Variants in DRD3 observed in about 807,000 individuals in gnomAD.
The protein encoded by DRD3 is dopamine receptor D3, also known as D(3) dopamine receptor.
A neutral mutation model predicts 36.3 loss-of-function variants in DRD3; 19 were observed. That is an observed-to-expected ratio of 0.52 (90% CI 0.36 to 0.77). The LOEUF is 0.77. DRD3 is among the 30% of genes least tolerant of loss of function. DRD3 has a pLI of 0.00. For missense variants in DRD3, 465 were observed against 505.3 expected, an observed-to-expected ratio of 0.92 and a Z score of 0.77; for synonymous variants, 195 against 203.7, an observed-to-expected ratio of 0.96 and a Z score of 0.36.
At chr3:114,170,379 G>C (rs370912234) in intron 2 of DRD3, among the ~76,000 whole-genome samples, 98 of 152,278 alleles carry the variant, frequency 6.4e-4, no homozygotes, top group African/African-American at 2.3e-3. Context: ...TTAGGCTACA[G>C]GAGATGAAGA....
chr3:114,196,975 TTTC>T (rs1288602418), intron 1 of DRD3, among the ~76,000 whole-genome samples: 3 of 150,792 alleles, frequency 2.0e-5, no homozygotes, highest in African/African-American at 4.9e-5. Context: ...TTTTTATTTT[TTTC>T]TTTTTTTCTT....
In DRD3 at chr3:114,156,685, A is replaced by T. The variant is rs1308903158; in HGVS notation, c.383+3070T>A. On this transcript the variant is annotated intron_variant, in intron 3 of 6. Coordinates refer to ENST00000383673, the MANE Select transcript of DRD3 (RefSeq NM_000796.6). ...GTTAGAATTACCTCCACTGCCTGGC[A>T]TTCAATGTTTTCCACAATATGGCTT... is the stretch of plus-strand genomic sequence containing the variant. Among the ~76,000 whole-genome samples the T allele has an allele frequency of 3.3e-5, 5 of 151,764 alleles. No individual in the cohort carries two copies. In the East Asian group the frequency reaches 9.7e-4, roughly 29 times the overall value.
At chr3:114,191,724 T>C (rs2078011777) in intron 1 of DRD3, among the ~76,000 whole-genome samples, 1 of 152,004 alleles carries the variant, frequency 6.6e-6, no homozygotes, top group African/African-American at 2.4e-5. Flanking sequence ...GAAGAGTGAA[T>C]ACATTGGGTT....
chr3:114,151,778 C>T (rs1577597870), intron 3 of DRD3, among the ~76,000 whole-genome samples: 1 of 152,334 alleles, frequency 6.6e-6, no homozygotes, highest in East Asian at 1.9e-4. Context: ...ATGTCTCCCA[C>T]CTCTGAGGTG....
intron 1 of DRD3, among the ~76,000 whole-genome samples, chr3:114,174,141 T>A (rs1239763653): frequency 1.3e-5 from 2 of 152,236 alleles, no homozygotes; most frequent in Non-Finnish European, 2.9e-5. Context: ...TATAATTTTC[T>A]CATTATTCAG....
intron 3 of DRD3, among the ~76,000 whole-genome samples, chr3:114,148,915 G>A (rs1456655880): frequency 1.3e-5 from 2 of 152,140 alleles, no homozygotes; most frequent in South Asian, 4.1e-4. Flanking sequence ...GTTTCATCAT[G>A]TTGCCCAGGC....
Position 114,141,033 on chromosome 3 carries a change from A to T in DRD3, c.527-1337T>A, listed in dbSNP as rs185624956. On this transcript the variant is annotated intron_variant, in intron 4 of 6. Coordinates refer to ENST00000383673, the MANE Select transcript of DRD3 (RefSeq NM_000796.6). Reference sequence around the variant, plus strand: ...CGTTTCTTTAATTAATCAATTAATTAATTTATTTATTTTTTGAGACGGAAT... The same window carrying T: ...CGTTTCTTTAATTAATCAATTAATTTATTTATTTATTTTTTGAGACGGAAT... Among the ~76,000 whole-genome samples the T allele has an allele frequency of 1.3e-3, 199 of 152,272 alleles. 2 individuals are homozygous for T. Among genetic ancestry groups the T allele is most frequent in the African/African-American group, 1.7e-3 (70 of 41,564 alleles).
At chr3:114,130,223 C>T (rs1027558752) in intron 6 of DRD3, among the ~76,000 whole-genome samples, 3 of 152,104 alleles carry the variant, frequency 2.0e-5, no homozygotes, top group African/African-American at 4.8e-5. Context: ...TGTGCCACTG[C>T]ACTCCAGCCT....
intron 2 of DRD3, among the ~76,000 whole-genome samples, chr3:114,165,299 A>G (rs950214891): frequency 6.6e-6 from 1 of 152,076 alleles, no homozygotes; most frequent in Non-Finnish European, 1.5e-5. Context: ...TGCAGGAAGG[A>G]GGGTTAAAAA....
chr3:114,161,178 T>C (rs2077729286), intron 2 of DRD3, among the ~76,000 whole-genome samples: 1 of 152,200 alleles, frequency 6.6e-6, no homozygotes, highest in Non-Finnish European at 1.5e-5. Context: ...GCTTTGTGCC[T>C]CTGGCTGTAG....
intron 1 of DRD3, among the ~76,000 whole-genome samples, chr3:114,191,843 A>G (rs1446525183): frequency 2.0e-5 from 3 of 152,218 alleles, no homozygotes; most frequent in Non-Finnish European, 4.4e-5. Context: ...GTTTCTCTGA[A>G]ATGCTTAAGG....
chr3:114,156,127 G>A (rs1426870220), intron 3 of DRD3, among the ~76,000 whole-genome samples: 1 of 152,158 alleles, frequency 6.6e-6, no homozygotes, highest in Non-Finnish European at 1.5e-5. Flanking sequence ...GAGTATTTAA[G>A]GAATTTGCCA....
At chr3:114,190,111 A>T (rs1266366553) in intron 1 of DRD3, among the ~76,000 whole-genome samples, 1 of 152,012 alleles carries the variant, frequency 6.6e-6, no homozygotes, top group Non-Finnish European at 1.5e-5. Context: ...GCTCTTTTAC[A>T]TACTTTAGAT....
At chr3:114,173,613 G>A (rs1387980112) in intron 1 of DRD3, among the ~76,000 whole-genome samples, 2 of 152,176 alleles carry the variant, frequency 1.3e-5, no homozygotes, top group East Asian at 3.9e-4. Context: ...AGAGGCCAGG[G>A]TCCCTGAAGC....
In DRD3 at chr3:114,128,628, T is replaced by A; in HGVS notation, c.*88A>T. ...CTCCAGGAATCTTCTTCCTACTGCA[T>A]GCCGGAGGACACTGCACAGTCTTTC... On this transcript the variant is annotated 3_prime_UTR_variant, in exon 7 of 7. Coordinates refer to ENST00000383673, the MANE Select transcript of DRD3 (RefSeq NM_000796.6). The A allele has an allele frequency of 7.6e-7, 1 of 1,317,732 alleles. No individual in the cohort carries two copies. Among genetic ancestry groups the A allele is most frequent in the East Asian group, 2.5e-5 (1 of 40,004 alleles). The allele number at this position is 1,317,732 out of a possible 1,614,324, so 81.6% of individuals were successfully genotyped here.
At chr3:114,152,589 A>G (rs1169783654) in intron 3 of DRD3, among the ~76,000 whole-genome samples, 1 of 152,204 alleles carries the variant, frequency 6.6e-6, no homozygotes, top group Non-Finnish European at 1.5e-5. Flanking sequence ...GGGAGGCTGT[A>G]CCGGAATTGG....
intron 3 of DRD3, among the ~76,000 whole-genome samples, chr3:114,157,247 T>C (rs942525160): frequency 2.2e-4 from 34 of 151,792 alleles, no homozygotes; most frequent in African/African-American, 8.2e-4. Context: ...AGAGATGGGT[T>C]TTCATCATAT....
chr3:114,137,835 CA>C lies in DRD3; in HGVS notation c.723+1664del, dbSNP rs370174238. On this transcript the variant is annotated intron_variant, in intron 5 of 6. Transcript: ENST00000383673. ...TGAAACCCCGTCTCTACTAAAAATA[CA>C]AAAAAAAAAAAATTAGCCGGGCGTG... Among the ~76,000 whole-genome samples, 425 of 141,446 alleles carry C rather than the reference CA, an allele frequency of 3.0e-3. 2 individuals are homozygous for C. Among genetic ancestry groups the C allele is most frequent in the African/African-American group, 0.011 (407 of 38,514 alleles). The allele number at this position is 141,446 out of a possible 152,430, so 92.8% of individuals were successfully genotyped here.
chr3:114,166,570 G>A (rs75859127), intron 2 of DRD3, among the ~76,000 whole-genome samples: 4,830 of 152,240 alleles, frequency 0.032, 120 homozygotes, highest in East Asian at 0.059. Context: ...CCAGATGGAG[G>A]CCTCTTGATC....
Sources: gnomAD v4.1 joint callset for allele counts (sites outside exome capture counted in the v4.1 genomes callset) on GRCh38, gnomAD v4.1.1 for gene constraint, MANE v1.5 for transcripts, NCBI Gene and HGNC (gene_info 2026-07-23, HGNC 2026-07-21) for gene names.